The following WDR37 variants were observed in gnomAD, a reference collection of about 807,000 sequenced individuals.
WDR37 encodes the protein WD repeat-containing protein 37.
Under a neutral mutation model 62.9 loss-of-function variants are expected in WDR37, and 19 were observed. That is an observed-to-expected ratio of 0.30 (90% confidence interval 0.21 to 0.44). WDR37 has a LOEUF of 0.44. WDR37 is among the 20% of genes least tolerant of loss of function. WDR37 has a pLI of 1.00. For missense variants in WDR37, 474 were observed against 657.6 expected (o/e 0.72, Z 3.05); for synonymous variants, 250 against 260.9 (o/e 0.96, Z 0.40).
At chr10:1,126,614 C>T (rs1835791098) in intron 13 of WDR37, among the ~76,000 whole-genome samples, 4 of 152,198 alleles carry the variant, frequency 2.6e-5, no homozygotes, top group Admixed American at 2.6e-4. Context: ...TTGGGTGGCC[C>T]CCTCAGTGCC....
intron 11 of WDR37, among the ~76,000 whole-genome samples, chr10:1,117,017 C>G (rs1835421910): frequency 6.6e-6 from 1 of 152,034 alleles, no homozygotes; most frequent in South Asian, 2.1e-4. Flanking sequence ...ACAGTAACTT[C>G]CTGAGCCAGT....
In WDR37 at chr10:1,129,984, A is replaced by G. The variant is rs1216906318; in HGVS notation, c.*640A>G. The G allele has an allele frequency of 6.6e-6, 1 of 152,586 alleles. No individual in the cohort carries two copies. The highest frequency in any genetic ancestry group is 2.4e-5 in the African/African-American group (1 of 41,464). 9.5% of individuals were successfully genotyped at this position (152,586 alleles called of 1,614,324 possible). A position where few individuals can be genotyped will look rare whatever the true frequency, so the allele number is the denominator to read the frequency against. On this transcript the variant is annotated 3_prime_UTR_variant, in exon 14 of 14. Transcript: ENST00000263150. Reference sequence around the variant, plus strand: ...AAAGTTTTCTGCTTTTTTATAGAAAATCATTTCAGTCTCCCGAGGTCTCAT... The same window carrying G: ...AAAGTTTTCTGCTTTTTTATAGAAAGTCATTTCAGTCTCCCGAGGTCTCAT...
intron 11 of WDR37, among the ~76,000 whole-genome samples, chr10:1,106,071 C>T (rs1835005549): frequency 1.3e-5 from 2 of 152,148 alleles, no homozygotes; most frequent in Non-Finnish European, 2.9e-5. Context: ...AGGCGTGAGC[C>T]ACCGCGCCCA....
intron 11 of WDR37, among the ~76,000 whole-genome samples, chr10:1,108,589 C>T (rs1439747671): frequency 6.6e-6 from 1 of 152,238 alleles, no homozygotes; most frequent in African/African-American, 2.4e-5. Context: ...CATTGTTACG[C>T]TGAGTCCTGC....
intron 1 of WDR37, among the ~76,000 whole-genome samples, chr10:1,066,490 T>G (rs1412165477): frequency 6.6e-6 from 1 of 152,196 alleles, no homozygotes; most frequent in Non-Finnish European, 1.5e-5. Flanking sequence ...TATTCATAGA[T>G]TAAAAGACTC....
At chr10:1,108,266 A>G (rs1835085970) in intron 11 of WDR37, among the ~76,000 whole-genome samples, 2 of 152,058 alleles carry the variant, frequency 1.3e-5, no homozygotes, top group South Asian at 2.1e-4. Context: ...TCACATTTAG[A>G]TATTATGTCC....
At chr10:1,092,751 T>G (rs1589100675) in intron 7 of WDR37, among the ~76,000 whole-genome samples, 1 of 151,642 alleles carries the variant, frequency 6.6e-6, no homozygotes, top group Non-Finnish European at 1.5e-5. Flanking sequence ...CATTCTTGTG[T>G]CCCAGCTACT....
rs781349015 is a variant in WDR37 at position 1,103,572 on chromosome 10, T to A, written c.727-30T>A. 1 of 1,606,334 alleles carries A rather than the reference T, an allele frequency of 6.2e-7. No individual in the cohort carries two copies. Among genetic ancestry groups the A allele is most frequent in the South Asian group, 1.1e-5 (1 of 90,970 alleles). On this transcript the variant is annotated intron_variant, in intron 9 of 13. Transcript: ENST00000263150. The surrounding 1 kb of genome is among the most constrained non-coding windows in gnomAD (Gnocchi z 6.3). ...AAACTCAAGATTTCCAGGAAATGTC[T>A]TTCTTTTCTGGCCTTCCCTTTGGCA...
intron 11 of WDR37, among the ~76,000 whole-genome samples, chr10:1,118,931 TCTCA>T (rs1835487535): frequency 6.6e-6 from 1 of 152,222 alleles, no homozygotes; most frequent in Admixed American, 6.5e-5. Context: ...TAATGCTGTT[TCTCA>T]CTCAATCCCA....
intron 3 of WDR37, among the ~76,000 whole-genome samples, chr10:1,079,441 C>T (rs943110835): frequency 1.3e-5 from 2 of 148,716 alleles, no homozygotes; most frequent in South Asian, 2.1e-4. Context: ...TGTTGAAATG[C>T]GGGTGCTGTC....
intron 5 of WDR37, among the ~76,000 whole-genome samples, chr10:1,082,863 G>A (rs1834074584): frequency 6.6e-6 from 1 of 152,192 alleles, no homozygotes. Context: ...TGGAGCAGGT[G>A]AAGAATGTAA....
intron 9 of WDR37, among the ~76,000 whole-genome samples, chr10:1,100,783 C>A (rs1834767355): frequency 6.6e-6 from 1 of 152,182 alleles, no homozygotes; most frequent in Admixed American, 6.5e-5. Flanking sequence ...GTGCTCCCTC[C>A]AGAGCCGTTT....
chr10:1,106,240 T>TGG, intron 11 of WDR37, among the ~76,000 whole-genome samples: 1 of 152,056 alleles, frequency 6.6e-6, no homozygotes, highest in South Asian at 2.1e-4. Context: ...CTGTTCCCCG[T>TGG]TCCCCCATCA....
chr10:1,125,059 A>G lies in WDR37; in HGVS notation c.1353+35A>G, dbSNP rs202134950. On this transcript the variant is annotated intron_variant, in intron 13 of 13. Coordinates refer to ENST00000263150, the MANE Select transcript of WDR37 (RefSeq NM_014023.4). The stretch of plus-strand genomic sequence containing the variant: ...CGGTCGGTGAACATATGCAGGGCAC[A>G]GTGGAGGAGGACGGGTAGAGATATT... 1.7e-4 allele frequency: 280 copies of G among 1,609,498 alleles called. No individual in the cohort carries two copies. The African/African-American group carries it at 3.4e-3, about 19-fold the overall frequency.
At chr10:1,126,799 A>G (rs993049379) in intron 13 of WDR37, among the ~76,000 whole-genome samples, 4 of 152,226 alleles carry the variant, frequency 2.6e-5, no homozygotes, top group African/African-American at 9.6e-5. Flanking sequence ...CTTTCTGGAA[A>G]TGAGCTTCCC....
At chr10:1,057,762 A>G (rs962697054) in intron 1 of WDR37, among the ~76,000 whole-genome samples, 2 of 152,212 alleles carry the variant, frequency 1.3e-5, no homozygotes, top group African/African-American at 4.8e-5. Context: ...TTTAACTTAA[A>G]CGCTAAAACA....
At chr10:1,109,829 GAA>G (rs1163502271) in intron 11 of WDR37, among the ~76,000 whole-genome samples, 1 of 152,224 alleles carries the variant, frequency 6.6e-6, no homozygotes, top group African/African-American at 2.4e-5. Flanking sequence ...TAAGTGTTAT[GAA>G]AAAGTTCTTA....
intron 5 of WDR37, among the ~76,000 whole-genome samples, chr10:1,084,164 G>T (rs1005301443): frequency 2.6e-5 from 4 of 152,152 alleles, no homozygotes; most frequent in Non-Finnish European, 5.9e-5. Context: ...AGACTGAGGT[G>T]GGGGAGCCTG....
At chr10:1,076,109 A>G (rs1258422180) in intron 2 of WDR37, among the ~76,000 whole-genome samples, 2 of 151,838 alleles carry the variant, frequency 1.3e-5, no homozygotes, top group Non-Finnish European at 2.9e-5. Context: ...CCTAGTTTTA[A>G]TTTTTATAGT....
Sources: gnomAD v4.1 joint callset for allele counts (sites outside exome capture counted in the v4.1 genomes callset) on GRCh38, gnomAD v4.1.1 for gene constraint, Gnocchi (gnomAD v3.1) non-coding constraint, MANE v1.5 for transcripts, NCBI Gene and HGNC (gene_info 2026-07-23, HGNC 2026-07-21) for gene names.